The following NCOA6 variants were observed in gnomAD, a reference collection of about 807,000 sequenced individuals.
NCOA6 encodes the protein NRC RAP250.
In NCOA6, 49 loss-of-function variants were observed where a neutral mutation model predicts 171.4. The ratio of observed to expected loss-of-function variants is 0.29; its 90% CI spans 0.23 to 0.36. NCOA6 has a LOEUF of 0.36. Among genes scored for constraint, NCOA6 ranks in the 10% least tolerant of loss-of-function variants. The pLI, the probability that NCOA6 is intolerant of heterozygous loss-of-function variation, is 1.00. For synonymous variants in NCOA6, 910 were observed against 927.5 expected (o/e 0.98, Z 0.34); for missense variants, 2,248 against 2,554.5 (o/e 0.88, Z 2.59).
chr20:34,774,302 C>G (rs886644456), intron 4 of NCOA6, among the ~76,000 whole-genome samples: 1 of 152,186 alleles, frequency 6.6e-6, no homozygotes, highest in Non-Finnish European at 1.5e-5. Flanking sequence ...TGTTCGACTT[C>G]CACTTTTCCT....
chr20:34,764,624 G>A (rs1157897880), intron 5 of NCOA6, among the ~76,000 whole-genome samples: 1 of 151,902 alleles, frequency 6.6e-6, no homozygotes, highest in South Asian at 2.1e-4. Context: ...GGCAGAGCTC[G>A]CAGTGAGCCA....
chr20:34,766,446 C>T (rs1250260890), intron 5 of NCOA6, among the ~76,000 whole-genome samples: 2 of 152,004 alleles, frequency 1.3e-5, no homozygotes, highest in Admixed American at 6.6e-5. Context: ...AAAACCCTGT[C>T]TCTACAAAAA....
intron 12 of NCOA6, 48 bp from the exon 13 acceptor site, chr20:34,732,643 G>A (rs751240066): frequency 8.5e-6 from 13 of 1,536,728 alleles, no homozygotes; most frequent in Non-Finnish European, 1.2e-5. Context: ...AGCTGCCACA[G>A]AGAGAAGCTA....
At chr20:34,811,197 AC>A (rs1358958271) in intron 1 of NCOA6, among the ~76,000 whole-genome samples, 2 of 106,990 alleles carry the variant, frequency 1.9e-5, no homozygotes, top group African/African-American at 7.0e-5. Flanking sequence ...AACAACAACA[AC>A]GTGTATATAT....
intron 3 of NCOA6, among the ~76,000 whole-genome samples, chr20:34,777,056 G>C (rs1003954042): frequency 6.7e-6 from 1 of 148,418 alleles, no homozygotes; most frequent in African/African-American, 2.5e-5. Context: ...GGCAGAGGTT[G>C]TGGTGAGCCA....
chr20:34,807,824 C>CA (rs973622420), intron 1 of NCOA6, among the ~76,000 whole-genome samples: 3 of 147,290 alleles, frequency 2.0e-5, no homozygotes, highest in Non-Finnish European at 3.0e-5. Context: ...CGTGCCCGGC[C>CA]TTTTTTTTTA....
chr20:34,810,709 C>A (rs1007543378), intron 1 of NCOA6, among the ~76,000 whole-genome samples: 34 of 152,162 alleles, frequency 2.2e-4, no homozygotes, highest in African/African-American at 8.0e-4. Context: ...GCGCCCGCCA[C>A]CATGCCCAGC....
chr20:34,732,690 A>T, intron 12 of NCOA6, 95 bp from the exon 13 acceptor site: 1 of 1,039,274 alleles, frequency 9.6e-7, no homozygotes, highest in East Asian at 2.5e-5. Context: ...TATTTAGGCT[A>T]AAGTGTCCCT....
Position 34,727,454 on chromosome 20 carries a change from C to G in NCOA6, c.6000-47G>C, listed in dbSNP as rs765620643. ...TTTCCAAGCAGGTGAGGGAACCAGG[C>G]CACACAAAAAACGGGCTCTTCAGAT... is the stretch of plus-strand genomic sequence containing the variant. On this transcript the variant is annotated intron_variant, in intron 13 of 14. Transcript: ENST00000359003. The G allele has an allele frequency of 5.6e-6, 9 of 1,602,040 alleles. No homozygotes were observed. In the South Asian group the frequency reaches 6.6e-5, roughly 12 times the overall value.
chr20:34,777,955 T>C (rs1209802780), intron 3 of NCOA6, among the ~76,000 whole-genome samples: 3 of 152,236 alleles, frequency 2.0e-5, no homozygotes, highest in Non-Finnish European at 2.9e-5. Flanking sequence ...GTCACCAGGC[T>C]GGAGTGCAAT....
chr20:34,753,082 G>A (rs546037276), intron 8 of NCOA6, among the ~76,000 whole-genome samples: 11 of 148,812 alleles, frequency 7.4e-5, no homozygotes, highest in African/African-American at 2.2e-4. Flanking sequence ...TCTCTCTGTC[G>A]CCCAGGCTGG....
intron 4 of NCOA6, among the ~76,000 whole-genome samples, chr20:34,771,990 G>C (rs2077164386): frequency 6.6e-6 from 1 of 152,154 alleles, no homozygotes; most frequent in South Asian, 2.1e-4. Flanking sequence ...CACATCTGTT[G>C]TTCCAGCATA....
chr20:34,771,043 G>T (rs746673080), intron 4 of NCOA6, among the ~76,000 whole-genome samples: 3 of 152,214 alleles, frequency 2.0e-5, no homozygotes, highest in African/African-American at 7.2e-5. Context: ...AGAAGCCACA[G>T]TAAGAAACAG....
At chr20:34,726,583 G>A (rs1004006510) in intron 14 of NCOA6, among the ~76,000 whole-genome samples, 2 of 152,056 alleles carry the variant, frequency 1.3e-5, no homozygotes, top group Admixed American at 6.6e-5. Flanking sequence ...TTAGGAGTTC[G>A]AGACCAGCCT....
At position 34,715,093 on chromosome 20, in the gene NCOA6, T is replaced by C. The variant is rs750111154; in HGVS notation, c.*229A>G. The C allele has an allele frequency of 2.0e-5, 10 of 501,716 alleles. No individual in the cohort carries two copies. Among genetic ancestry groups the C allele is most frequent in the Non-Finnish European group, 3.3e-5 (9 of 276,164 alleles). 31.1% of individuals were successfully genotyped at this position (501,716 alleles called of 1,614,324 possible). On this transcript the variant is annotated 3_prime_UTR_variant, in exon 15 of 15. Transcript: ENST00000359003. ...TTATAATGGCATTAGCTCCTTTCAA[T>C]ACAAGACAACATTTTAGAAACCTTG...
chr20:34,725,217 G>A (rs1207435355), intron 14 of NCOA6, among the ~76,000 whole-genome samples: 1 of 152,130 alleles, frequency 6.6e-6, no homozygotes, highest in East Asian at 1.9e-4. Flanking sequence ...CACCATACTA[G>A]GCACCAGAGA....
chr20:34,787,682 C>A (rs1226693431), intron 2 of NCOA6, among the ~76,000 whole-genome samples: 2 of 152,128 alleles, frequency 1.3e-5, no homozygotes, highest in African/African-American at 4.8e-5. Flanking sequence ...TGGGGCTTAG[C>A]CTTCAAGCGT....
In NCOA6 at chr20:34,742,170, T is replaced by C. The variant is rs765563882; in HGVS notation, c.4086A>G (p.Ala1362=). Residue 1362 remains alanine, a synonymous_variant, in exon 11 of 15, where the codon GCA becomes GCG. Transcript: ENST00000359003. ...GCAACTCCACATTCTGCAATAGGGC[T>C]GCATTTGTCTGAGAGGCCAGAGTAA... ...PKLTLASQTN[A]ALLQNVELPR... The C allele has an allele frequency of 5.0e-6, 8 of 1,614,082 alleles. No homozygotes were observed. Among genetic ancestry groups the C allele is most frequent in the Non-Finnish European group, 6.8e-6 (8 of 1,180,038 alleles).
chr20:34,815,570 G>C (rs1484233868), intron 1 of NCOA6, among the ~76,000 whole-genome samples: 1 of 152,022 alleles, frequency 6.6e-6, no homozygotes, highest in Non-Finnish European at 1.5e-5. Context: ...GTAAAGAATA[G>C]GATGGAAAAG....
Sources: allele counts gnomAD v4.1 joint callset (sites outside exome capture counted in the v4.1 genomes callset), GRCh38; gene constraint gnomAD v4.1.1; transcripts MANE v1.5; gene names NCBI Gene and HGNC (gene_info 2026-07-23, HGNC 2026-07-21).